LAMA3: variants seen among roughly 807,000 people sequenced by gnomAD.
The protein encoded by LAMA3 is laminin subunit alpha-3.
A neutral mutation model predicts 402.0 loss-of-function variants in LAMA3; 281 were observed. That is an observed-to-expected ratio of 0.70 (90% confidence interval 0.63 to 0.77). The LOEUF (loss-of-function observed/expected upper bound fraction) is 0.77, where lower values mean the gene tolerates loss of function less well. LAMA3 is among the 30% of genes least tolerant of loss of function. The pLI is 0.00. For synonymous variants in LAMA3, 1,431 were observed against 1,558.4 expected (o/e 0.92, Z 1.93); for missense variants, 3,840 against 4,215.5 (o/e 0.91, Z 2.47).
At position 23,882,029 on chromosome 18, in the gene LAMA3, T is replaced by C; in HGVS notation, c.5206T>C (p.Cys1736Arg). Residue 1736 changes from cysteine to arginine, a missense_variant, in exon 40 of 75, where the codon TGT becomes CGT. Physicochemically the swap from Cys to Arg is radical, Grantham distance 180. Around this residue, in one of 3 missense-constraint regions of LAMA3, gnomAD observed 2,109 missense variants for 2,376.0 expected, o/e 0.89. Transcript: ENST00000313654. ...CCACGGATCCTGCAGGGCCTGCCCA[T>C]GTCCTCACACTAACAGGTACCGTAG... The part of the protein sequence containing the change: ...AVHGSCRACP[C>R]PHTNSFATGC... 1 of 1,613,112 alleles carries C rather than the reference T, an allele frequency of 6.2e-7. No individual in the cohort carries two copies.
At chr18:23,712,778 C>T (rs1409879614) in intron 1 of LAMA3, among the ~76,000 whole-genome samples, 1 of 150,928 alleles carries the variant, frequency 6.6e-6, no homozygotes, top group Non-Finnish European at 1.5e-5. Context: ...TTCTAAGATG[C>T]TGGCTAGGGG....
intron 62 of LAMA3, among the ~76,000 whole-genome samples, chr18:23,924,546 T>C (rs1350909882): frequency 1.1e-4 from 16 of 143,950 alleles, no homozygotes; most frequent in African/African-American, 4.0e-4. Flanking sequence ...TTTTTTTCTT[T>C]TTTTTTTTTT....
rs532507804 is a variant in LAMA3, at chr18:23,779,758, G to A, written c.1468+2139G>A. ...ATGAGAGTCATCCAGGAATGTGGGT[G>A]GGAGGATGGGCTTGGGAAAGTCATG... On this transcript the variant is annotated intron_variant, in intron 11 of 74. Transcript: ENST00000313654. Among the ~76,000 whole-genome samples the A allele has an allele frequency of 3.2e-4, 49 of 152,268 alleles. 1 individual carries two copies. Among genetic ancestry groups the A allele is most frequent in the African/African-American group, 9.6e-4 (40 of 41,540 alleles).
intron 51 of LAMA3, among the ~76,000 whole-genome samples, chr18:23,905,196 C>T (rs1226738314): frequency 6.6e-6 from 1 of 152,004 alleles, no homozygotes; most frequent in East Asian, 1.9e-4. Flanking sequence ...TTTTCTGTCC[C>T]AAAGCTTGAA....
intron 12 of LAMA3, among the ~76,000 whole-genome samples, chr18:23,803,072 C>T (rs1433369762): frequency 6.6e-6 from 1 of 152,178 alleles, no homozygotes; most frequent in Non-Finnish European, 1.5e-5. Context: ...AGAAGCAATA[C>T]TATGTGGATA....
In LAMA3 at chr18:23,728,918, C is replaced by T. The variant is rs923010358; in HGVS notation, c.447+14846C>T. ...TGGTGGTGCGCACCTATAGTCTCAG[C>T]TACTCAGAAGGCTGAGACGGGGTAA... On this transcript the variant is annotated intron_variant, in intron 2 of 74. Transcript: ENST00000313654. Among the ~76,000 whole-genome samples the T allele has an allele frequency of 4.6e-5, 7 of 151,150 alleles. No homozygotes were observed. The South Asian group carries it at 8.4e-4, about 18-fold the overall frequency.
At position 23,939,383 on chromosome 18, in the gene LAMA3, C is replaced by T. The variant is rs535586460; in HGVS notation, c.9023C>T (p.Pro3008Leu). 1.9e-6 allele frequency: 3 copies of T among 1,614,112 alleles called. No individual in the cohort carries two copies. The highest frequency in any genetic ancestry group is 2.2e-5 in the East Asian group (1 of 44,890). Reference protein sequence around the residue: ...LFKLPQELLKPRSQFAVDMQT... With the variant: ...LFKLPQELLKLRSQFAVDMQT... The stretch of plus-strand genomic sequence containing the variant: ...AAGCTTCCTCAGGAGCTGCTGAAAC[C>T]CAGGTATTATTTAGCTTTCCTGCCC... Residue 3008 changes from proline to leucine, a missense_variant, in exon 68 of 75, where the codon CCC becomes CTC. Physicochemically the swap from Pro to Leu is moderately conservative, Grantham distance 98. This residue lies in a region of LAMA3 where 840 missense variants were observed against 981.9 expected (regional missense o/e 0.86). Transcript: ENST00000313654.
At chr18:23,692,530 C>T (rs991463996) in intron 1 of LAMA3, among the ~76,000 whole-genome samples, 1 of 152,160 alleles carries the variant, frequency 6.6e-6, no homozygotes, top group Non-Finnish European at 1.5e-5. Context: ...CCTTGGCCTC[C>T]CAAAGTGCTA....
chr18:23,897,361 T>C (rs574685339), intron 44 of LAMA3, among the ~76,000 whole-genome samples: 2 of 152,324 alleles, frequency 1.3e-5, no homozygotes, highest in South Asian at 4.1e-4. Context: ...AGTCCAAGGT[T>C]TATAGGCTTA....
At chr18:23,756,588 G>A (rs572737162) in intron 6 of LAMA3, among the ~76,000 whole-genome samples, 2 of 152,138 alleles carry the variant, frequency 1.3e-5, no homozygotes, top group East Asian at 1.9e-4. Flanking sequence ...CTACAATCAC[G>A]GCCTTTGTCA....
chr18:23,754,070 C>T (rs2061799843), intron 6 of LAMA3, among the ~76,000 whole-genome samples: 2 of 152,080 alleles, frequency 1.3e-5, no homozygotes, highest in African/African-American at 4.8e-5. Flanking sequence ...CCAGATCACC[C>T]CCAAGACATA....
At chr18:23,840,379 TTC>T (rs1555708785) in intron 27 of LAMA3, among the ~76,000 whole-genome samples, 7,676 of 75,732 alleles carry the variant, frequency 0.1, 898 homozygotes, top group African/African-American at 0.25. Flanking sequence ...GAACCTTTCT[TTC>T]TTTTTTTTTT....
At chr18:23,737,051 G>C (rs1004554028) in intron 2 of LAMA3, among the ~76,000 whole-genome samples, 2 of 152,054 alleles carry the variant, frequency 1.3e-5, no homozygotes, top group Non-Finnish European at 2.9e-5. Context: ...TCCTCCAGTG[G>C]GCAGAGTAGG....
chr18:23,764,596 ATT>A (rs765818716), intron 8 of LAMA3, among the ~76,000 whole-genome samples: 34 of 134,088 alleles, frequency 2.5e-4, no homozygotes, highest in African/African-American at 4.9e-4. Context: ...CTGCAAAAAC[ATT>A]TTTTTTTTTT....
chr18:23,756,908 C>T lies in LAMA3; in HGVS notation c.948-1488C>T, dbSNP rs546561081. Among the ~76,000 whole-genome samples, 499 of 150,616 alleles carry T rather than the reference C, an allele frequency of 3.3e-3. 4 individuals carry two copies. The highest frequency in any genetic ancestry group is 0.012 in the African/African-American group (483 of 41,036). On this transcript the variant is annotated intron_variant, in intron 6 of 74. Transcript: ENST00000313654. ...CTCCTCAGTCCCCTCCAAGCCTCCC[C>T]GCTCCCCGTTCCCTGCCCCCGCCCC... is the stretch of plus-strand genomic sequence containing the variant.
chr18:23,816,540 G>T, intron 18 of LAMA3, 53 bp downstream of exon 18: 1 of 1,420,582 alleles, frequency 7.0e-7, no homozygotes, highest in East Asian at 2.3e-5. Context: ...GATGGTCTTA[G>T]ACATTCCTGC....
intron 2 of LAMA3, among the ~76,000 whole-genome samples, chr18:23,721,324 C>G (rs1017110252): frequency 6.6e-6 from 1 of 152,180 alleles, no homozygotes; most frequent in African/African-American, 2.4e-5. Context: ...AGCAGTTCCC[C>G]TCCAAACAGT....
At chr18:23,692,226 G>C (rs2060602893) in intron 1 of LAMA3, among the ~76,000 whole-genome samples, 1 of 152,212 alleles carries the variant, frequency 6.6e-6, no homozygotes, top group Admixed American at 6.5e-5. Flanking sequence ...TCACTTCCAA[G>C]TTGTATTCAG....
chr18:23,745,347 G>A (rs1217051339), intron 2 of LAMA3, among the ~76,000 whole-genome samples: 1 of 152,146 alleles, frequency 6.6e-6, no homozygotes, highest in Non-Finnish European at 1.5e-5. Context: ...CTTTCATATA[G>A]CTTTGTAGTA....
Sources: gnomAD v4.1 joint callset for allele counts (sites outside exome capture counted in the v4.1 genomes callset) on GRCh38, gnomAD v4.1.1 for gene constraint, gnomAD v4.1.1 regional missense constraint, MANE v1.5 for transcripts, NCBI Gene and HGNC (gene_info 2026-07-23, HGNC 2026-07-21) for gene names.